Variants in NELL1 observed in about 807,000 individuals in gnomAD.
NELL1 encodes the protein neural EGFL like 1, also known as protein kinase C-binding protein NELL1.
In NELL1, 76 loss-of-function variants were observed where a neutral mutation model predicts 107.4. That is an observed-to-expected ratio of 0.71 (90% confidence interval 0.59 to 0.86). The LOEUF (loss-of-function observed/expected upper bound fraction) is 0.86. NELL1 is among the 40% of genes least tolerant of loss of function. NELL1 has a pLI of 0.00. For missense variants in NELL1, 1,024 were observed against 1,005.5 expected (o/e 1.02, Z -0.25); for synonymous variants, 353 against 341.2 (o/e 1.03, Z -0.38).
intron 12 of NELL1, among the ~76,000 whole-genome samples, chr11:21,022,762 A>T (rs1852730333): frequency 6.6e-6 from 1 of 152,134 alleles, no homozygotes; most frequent in Non-Finnish European, 1.5e-5. Context: ...GAAAATAGAG[A>T]TAATAAACTG....
intron 2 of NELL1, among the ~76,000 whole-genome samples, chr11:20,698,943 G>A (rs1012922901): frequency 7.9e-5 from 12 of 152,126 alleles, no homozygotes; most frequent in South Asian, 2.1e-4. Flanking sequence ...CAAACTGGGC[G>A]TGGTGGCTCA....
rs546354530 is a variant in NELL1, at chr11:21,330,909, C to A, written c.1550-39944C>A. Among the ~76,000 whole-genome samples the A allele has an allele frequency of 3.9e-5, 6 of 152,068 alleles. No homozygotes were observed. In the East Asian group the frequency reaches 9.7e-4, roughly 25 times the overall value. On this transcript the variant is annotated intron_variant, in intron 14 of 19. Transcript: ENST00000357134. The stretch of plus-strand genomic sequence containing the variant: ...CTCTGAAACTTTTAAAATTTTTCTT[C>A]ATTGCTTTTCTGTTGTTCAGATTGC...
chr11:21,487,707 A>G (rs560118575), intron 15 of NELL1, among the ~76,000 whole-genome samples: 140 of 152,308 alleles, frequency 9.2e-4, no homozygotes, highest in African/African-American at 3.1e-3. Context: ...AATGGATTAA[A>G]TTCTGCACTT....
At chr11:21,391,765 A>G (rs985169943) in intron 15 of NELL1, among the ~76,000 whole-genome samples, 5 of 151,636 alleles carry the variant, frequency 3.3e-5, no homozygotes, top group African/African-American at 1.2e-4. Context: ...CTCTGGAGAA[A>G]CTGGGACTAC....
chr11:21,496,278 T>G (rs1371274969), intron 15 of NELL1, among the ~76,000 whole-genome samples: 1 of 152,130 alleles, frequency 6.6e-6, no homozygotes, highest in East Asian at 1.9e-4. Flanking sequence ...TCTTTTAATG[T>G]CTATAATTAT....
At chr11:20,983,609 C>CTCACTTGT (rs1326281681) in intron 12 of NELL1, among the ~76,000 whole-genome samples, 8 of 152,172 alleles carry the variant, frequency 5.3e-5, no homozygotes, top group African/African-American at 1.9e-4. Flanking sequence ...GATTACCAGA[C>CTCACTTGT]TCACTTGTTT....
chr11:20,713,116 G>A lies in NELL1; in HGVS notation c.184+35056G>A, dbSNP rs537040057. Among the ~76,000 whole-genome samples the A allele has an allele frequency of 1.1e-4, 17 of 152,254 alleles. No homozygotes were observed. In the South Asian group the frequency reaches 2.7e-3, roughly 24 times the overall value. On this transcript the variant is annotated intron_variant, in intron 2 of 19. Coordinates refer to ENST00000357134, the MANE Select transcript of NELL1 (RefSeq NM_006157.5). ...GGTTGGCCTCCAGCCAGGAGGTGGC[G>A]CTTTCAAGAGAGCATCAGCTGTGGT... is the stretch of plus-strand genomic sequence containing the variant.
chr11:21,099,418 G>A (rs1432139779), intron 12 of NELL1, among the ~76,000 whole-genome samples: 1 of 152,092 alleles, frequency 6.6e-6, no homozygotes, highest in Non-Finnish European at 1.5e-5. Flanking sequence ...ATCTTGTGAA[G>A]GGACAGTCAA....
intron 13 of NELL1, among the ~76,000 whole-genome samples, chr11:21,216,079 G>T (rs1857606422): frequency 6.6e-6 from 1 of 152,068 alleles, no homozygotes; most frequent in Non-Finnish European, 1.5e-5. Flanking sequence ...CTTTGTTCCT[G>T]ATGCTCCAAC....
chr11:21,091,589 A>G (rs1854522551), intron 12 of NELL1, among the ~76,000 whole-genome samples: 2 of 152,168 alleles, frequency 1.3e-5, no homozygotes, highest in African/African-American at 4.8e-5. Flanking sequence ...AATATATAAC[A>G]TATTCACCAT....
chr11:21,296,610 A>G (rs149469409), intron 14 of NELL1, among the ~76,000 whole-genome samples: 187 of 152,086 alleles, frequency 1.2e-3, no homozygotes, highest in African/African-American at 4.2e-3. Flanking sequence ...GACCTATTAG[A>G]CAAATGGGGA....
intron 14 of NELL1, among the ~76,000 whole-genome samples, chr11:21,277,994 C>T (rs1411896987): frequency 1.3e-5 from 2 of 152,034 alleles, no homozygotes; most frequent in African/African-American, 2.4e-5. Context: ...CACATGTATG[C>T]ATATGTAACT....
chr11:21,462,034 A>G (rs1284932152), intron 15 of NELL1, among the ~76,000 whole-genome samples: 1 of 152,200 alleles, frequency 6.6e-6, no homozygotes, highest in African/African-American at 2.4e-5. Flanking sequence ...ACTGCTGGAT[A>G]CTGTCTGTGG....
At chr11:21,038,910 C>A (rs1277835734) in intron 12 of NELL1, among the ~76,000 whole-genome samples, 1 of 152,142 alleles carries the variant, frequency 6.6e-6, no homozygotes, top group Non-Finnish European at 1.5e-5. Flanking sequence ...TTCTTTCTAG[C>A]AAGACTTTCT....
At chr11:21,220,779 T>C (rs1440925945) in intron 13 of NELL1, among the ~76,000 whole-genome samples, 1 of 152,160 alleles carries the variant, frequency 6.6e-6, no homozygotes, top group African/African-American at 2.4e-5. Context: ...GTGGAGCTTT[T>C]GGGTTTTTCA....
At chr11:21,082,744 T>C (rs1366917626) in intron 12 of NELL1, among the ~76,000 whole-genome samples, 1 of 152,232 alleles carries the variant, frequency 6.6e-6, no homozygotes, top group Non-Finnish European at 1.5e-5. Flanking sequence ...TAATTTTTCC[T>C]ACACAAGCTC....
intron 6 of NELL1, 50 bp from the exon 7 acceptor site, chr11:20,919,202 C>A (rs777586494): frequency 8.6e-7 from 1 of 1,164,762 alleles, no homozygotes; most frequent in Non-Finnish European, 1.2e-6. Context: ...AATTTTATTT[C>A]TTATATTAGC....
chr11:20,981,789 A>G (rs2134244802), intron 12 of NELL1, among the ~76,000 whole-genome samples: 1 of 152,274 alleles, frequency 6.6e-6, no homozygotes, highest in South Asian at 2.1e-4. Flanking sequence ...GCTGATCAGG[A>G]TTCTTTGATA....
At chr11:20,744,475 A>T (rs112414945) in intron 2 of NELL1, among the ~76,000 whole-genome samples, 113 of 152,316 alleles carry the variant, frequency 7.4e-4, no homozygotes, top group African/African-American at 2.6e-3. Flanking sequence ...TCTCTCTTTT[A>T]TAGGACTGCA....
Sources: allele counts gnomAD v4.1 joint callset (sites outside exome capture counted in the v4.1 genomes callset), GRCh38; gene constraint gnomAD v4.1.1; transcripts MANE v1.5; gene names NCBI Gene and HGNC (gene_info 2026-07-23, HGNC 2026-07-21).